SF3B1: variants seen among roughly 807,000 people sequenced by gnomAD.
The protein encoded by SF3B1 is pre-mRNA processing 10.
A neutral mutation model predicts 153.8 loss-of-function variants in SF3B1; 12 were observed. The observed-to-expected ratio is 0.08, with a 90% CI of 0.05 to 0.13. SF3B1 has a LOEUF of 0.13. Ranked by LOEUF, SF3B1 falls within the 10% of genes least tolerant of loss-of-function variation. The probability of loss-of-function intolerance (pLI) is 1.00; values close to 1 mark genes in which losing one functional copy is unlikely to be tolerated. For synonymous variants in SF3B1, 498 were observed against 525.2 expected (o/e 0.95, Z 0.71); for missense variants, 513 against 1,606.1 (o/e 0.32, Z 11.63).
At position 197,398,445 on chromosome 2, in the gene SF3B1, T is replaced by C; in HGVS notation, c.3134+16A>G. 1 of 1,610,936 alleles carries C rather than the reference T, an allele frequency of 6.2e-7. No homozygotes were observed. Among genetic ancestry groups the C allele is most frequent in the Non-Finnish European group, 8.5e-7 (1 of 1,179,160 alleles). ...AATTGATACTGCTTATAAAAATGTG[T>C]GGGTAATCTGCTTACCTGTCAGCAA... On this transcript the variant is annotated intron_variant, in intron 21 of 24. Transcript: ENST00000335508.
At chr2:197,426,356 C>A (rs2085337144) in intron 1 of SF3B1, among the ~76,000 whole-genome samples, 1 of 151,946 alleles carries the variant, frequency 6.6e-6, no homozygotes, top group Non-Finnish European at 1.5e-5. Flanking sequence ...AGTGCAGTGG[C>A]TGGATCTCGG....
intron 6 of SF3B1, among the ~76,000 whole-genome samples, chr2:197,414,519 G>C (rs2085118698): frequency 6.6e-6 from 1 of 152,148 alleles, no homozygotes; most frequent in African/African-American, 2.4e-5. Context: ...GACTGAGAGA[G>C]AAAAGGGTAT....
At chr2:197,393,756 A>C (rs931221497) in intron 23 of SF3B1, among the ~76,000 whole-genome samples, 2 of 152,172 alleles carry the variant, frequency 1.3e-5, no homozygotes, top group African/African-American at 4.8e-5. Flanking sequence ...TGGCCATCTA[A>C]TTAACTTTTA....
At chr2:197,426,468 T>C (rs1031785245) in intron 1 of SF3B1, among the ~76,000 whole-genome samples, 1 of 151,562 alleles carries the variant, frequency 6.6e-6, no homozygotes, top group Non-Finnish European at 1.5e-5. Context: ...GCTTCAGGCT[T>C]TTTTTTTAAA....
Position 197,390,194 on chromosome 2 carries a change from T to A in SF3B1, c.*2109A>T, listed in dbSNP as rs553858323. 6.6e-6 allele frequency: 1 copy of A among 152,292 alleles called. No homozygotes were observed. The highest frequency in any genetic ancestry group is 1.9e-4 in the East Asian group (1 of 5,190). 9.4% of individuals were successfully genotyped at this position (152,292 alleles called of 1,614,324 possible). ...CCTCTCTATCCTCAAATTATTTGCATCAGTAAAAAAAGTTAATTAAGGTGT... is the reference window on the plus strand; with the variant it reads ...CCTCTCTATCCTCAAATTATTTGCAACAGTAAAAAAAGTTAATTAAGGTGT... On this transcript the variant is annotated 3_prime_UTR_variant, in exon 25 of 25. Coordinates refer to ENST00000335508, the MANE Select transcript of SF3B1 (RefSeq NM_012433.4).
chr2:197,399,060 G>C, intron 20 of SF3B1: 1 of 1,300,830 alleles, frequency 7.7e-7, no homozygotes, highest in Non-Finnish European at 1.0e-6. Context: ...GAAAAAAGGA[G>C]GCAGCTGGCA....
chr2:197,418,799 A>T, intron 4 of SF3B1: 1 of 1,490,270 alleles, frequency 6.7e-7, no homozygotes, highest in Non-Finnish European at 8.9e-7. Flanking sequence ...ACAGCAGTTT[A>T]AAACAAATAT....
At chr2:197,399,211 T>C (rs1328543609) in intron 20 of SF3B1, among the ~76,000 whole-genome samples, 1 of 152,206 alleles carries the variant, frequency 6.6e-6, no homozygotes, top group East Asian at 1.9e-4. Context: ...TTCTGGCAAG[T>C]AGCTATCTTC....
chr2:197,393,436 A>C (rs1474109548), intron 23 of SF3B1: 1 of 494,028 alleles, frequency 2.0e-6, no homozygotes, highest in Non-Finnish European at 3.6e-6. Flanking sequence ...TCAACAATTA[A>C]GCCATATTTT....
At chr2:197,427,456 T>C (rs1023555520) in intron 1 of SF3B1, among the ~76,000 whole-genome samples, 3 of 152,212 alleles carry the variant, frequency 2.0e-5, no homozygotes, top group Non-Finnish European at 4.4e-5. Context: ...CAGCAGCTTA[T>C]TATGCAATTC....
At chr2:197,406,184 G>A (rs1461791163) in intron 9 of SF3B1, among the ~76,000 whole-genome samples, 12 of 149,346 alleles carry the variant, frequency 8.0e-5, no homozygotes, top group African/African-American at 3.0e-4. Flanking sequence ...TGGGAGGAAC[G>A]CTTGAGCCCA....
chr2:197,434,935 A>C (rs2106031104), intron 1 of SF3B1, 37 bp downstream of exon 1: 1 of 1,602,524 alleles, frequency 6.2e-7, no homozygotes, highest in East Asian at 2.2e-5. Flanking sequence ...TTAGGCTAGC[A>C]ACGAAGAAAA....
chr2:197,434,283 C>T (rs552720469), intron 1 of SF3B1, among the ~76,000 whole-genome samples: 1 of 152,044 alleles, frequency 6.6e-6, no homozygotes, highest in South Asian at 2.1e-4. Flanking sequence ...CTAATTTGCA[C>T]ACTCTGTATT....
intron 7 of SF3B1, among the ~76,000 whole-genome samples, chr2:197,409,060 C>G (rs576411377): frequency 6.6e-6 from 1 of 152,162 alleles, no homozygotes; most frequent in Non-Finnish European, 1.5e-5. Flanking sequence ...GAGTTCAACA[C>G]CAGGCTGGGC....
At chr2:197,407,602 CT>C (rs1177257445) in intron 9 of SF3B1, among the ~76,000 whole-genome samples, 20 of 132,806 alleles carry the variant, frequency 1.5e-4, no homozygotes, top group African/African-American at 2.8e-4. Flanking sequence ...GAGACTCCAT[CT>C]TTTAAAAAAA....
chr2:197,424,515 G>A (rs979504554), intron 1 of SF3B1, among the ~76,000 whole-genome samples: 2 of 148,994 alleles, frequency 1.3e-5, no homozygotes, highest in Admixed American at 1.3e-4. Flanking sequence ...AAAAAACCGT[G>A]ACAAAATATC....
intron 9 of SF3B1, 179 bp downstream of exon 9, chr2:197,407,819 T>G (rs2085014577): frequency 1.9e-6 from 1 of 524,272 alleles, no homozygotes; most frequent in Non-Finnish European, 3.4e-6. Context: ...TAATAAAAGT[T>G]TCATGTTGTT....
At chr2:197,431,268 C>T (rs975025166) in intron 1 of SF3B1, among the ~76,000 whole-genome samples, 7 of 152,138 alleles carry the variant, frequency 4.6e-5, no homozygotes, top group Middle Eastern at 3.4e-3. Context: ...CAGGCTCACG[C>T]CACCATGCCC....
chr2:197,423,853 T>C lies in SF3B1; in HGVS notation c.150A>G (p.Arg50=), dbSNP rs2085287857. The C allele has an allele frequency of 6.2e-7, 1 of 1,613,854 alleles. No homozygotes were observed. The highest frequency in any genetic ancestry group is 1.3e-5 in the African/African-American group (1 of 74,910). The change falls in exon 2 of 25, where the codon AGA becomes AGG. Residue 50 remains arginine (R), a synonymous_variant. Transcript: ENST00000335508. ...DQEIYGGSDS[R]FAGYVTSIAA... ...CAATTGATGTCACGTATCCAGCAAATCTGCTGTCACTTCCACCATAAATTT... is the reference window on the plus strand; with the variant it reads ...CAATTGATGTCACGTATCCAGCAAACCTGCTGTCACTTCCACCATAAATTT...
Sources: allele counts gnomAD v4.1 joint callset (sites outside exome capture counted in the v4.1 genomes callset), GRCh38; gene constraint gnomAD v4.1.1; transcripts MANE v1.5; gene names NCBI Gene and HGNC (gene_info 2026-07-23, HGNC 2026-07-21).